JPH3: variants seen among roughly 807,000 people sequenced by gnomAD.
JPH3 encodes the protein junctophilin 3.
In JPH3, 11 loss-of-function variants were observed where a neutral mutation model predicts 59.6. The observed-to-expected ratio is 0.18, with a 90% CI of 0.12 to 0.31. The LOEUF (loss-of-function observed/expected upper bound fraction) is 0.31, where lower values mean the gene tolerates loss of function less well. Among genes scored for constraint, JPH3 ranks in the 10% least tolerant of loss-of-function variants. JPH3 has a pLI of 1.00. For synonymous variants in JPH3, 673 were observed against 483.6 expected, an observed-to-expected ratio of 1.39 and a Z score of -5.14; for missense variants, 1,202 against 1,105.7, an observed-to-expected ratio of 1.09 and a Z score of -1.24.
chr16:87,642,509 G>A (rs1394073192), intron 1 of JPH3, among the ~76,000 whole-genome samples: 1 of 152,236 alleles, frequency 6.6e-6, no homozygotes, highest in Admixed American at 6.5e-5. Flanking sequence ...GAAAACAGCG[G>A]TGGGACGAAT....
chr16:87,673,389 G>A (rs966475346), intron 2 of JPH3, among the ~76,000 whole-genome samples: 1 of 151,980 alleles, frequency 6.6e-6, no homozygotes, highest in East Asian at 1.9e-4. Context: ...TGCTCGTGGG[G>A]GTGTAAATGT....
chr16:87,647,236 T>A (rs1386905829), intron 2 of JPH3, among the ~76,000 whole-genome samples: 1 of 151,288 alleles, frequency 6.6e-6, no homozygotes, highest in African/African-American at 2.4e-5. Context: ...GGGCGAGACC[T>A]GAGACCCATG....
intron 1 of JPH3, among the ~76,000 whole-genome samples, chr16:87,623,615 G>C (rs1326206034): frequency 6.6e-6 from 1 of 152,186 alleles, no homozygotes; most frequent in Non-Finnish European, 1.5e-5. Context: ...TGAACCCCTT[G>C]GGAGCTGCAG....
intron 2 of JPH3, among the ~76,000 whole-genome samples, chr16:87,652,119 C>T (rs1350419786): frequency 7.2e-5 from 11 of 152,184 alleles, no homozygotes; most frequent in African/African-American, 1.9e-4. Flanking sequence ...GGACTACAGG[C>T]GCCCACCACC....
intron 2 of JPH3, among the ~76,000 whole-genome samples, chr16:87,657,995 C>T (rs1419053693): frequency 1.3e-5 from 2 of 152,184 alleles, no homozygotes; most frequent in Non-Finnish European, 2.9e-5. Context: ...ACATAAATGT[C>T]CCCTCTGCAG....
intron 2 of JPH3, among the ~76,000 whole-genome samples, chr16:87,681,854 G>A (rs1170165614): frequency 6.6e-6 from 1 of 152,218 alleles, no homozygotes; most frequent in Non-Finnish European, 1.5e-5. Flanking sequence ...GGGATGCAGT[G>A]TCCTGGGTGC....
Position 87,644,955 on chromosome 16 carries a change from C to T in JPH3, c.1080C>T (p.Arg360=), listed in dbSNP as rs142622776. 5.4e-5 allele frequency: 87 copies of T among 1,611,618 alleles called. No individual in the cohort carries two copies. Among genetic ancestry groups the T allele is most frequent in the Middle Eastern group, 1.6e-4 (1 of 6,062 alleles). ...TCCCCCTGCGGGCCAGCAAGATCCG[C>T]GAGAAGGTGGACCGCGCCGTTGAGG... is the stretch of plus-strand genomic sequence containing the variant. ...NLIPLRASKI[R]EKVDRAVEAA... Residue 360 remains arginine, a synonymous_variant, in exon 2 of 5, where the codon CGC becomes CGT. Coordinates refer to ENST00000284262, the MANE Select transcript of JPH3 (RefSeq NM_020655.4).
At chr16:87,674,934 T>A (rs998472739) in intron 2 of JPH3, among the ~76,000 whole-genome samples, 3 of 152,060 alleles carry the variant, frequency 2.0e-5, no homozygotes, top group South Asian at 2.1e-4. Flanking sequence ...CTAATTTTTG[T>A]ATTTTTAGTA....
chr16:87,644,430 G>T lies in JPH3; in HGVS notation c.555G>T (p.Val185=), dbSNP rs1271632835. 6.2e-7 allele frequency: 1 copy of T among 1,612,078 alleles called. No homozygotes were observed. The highest frequency in any genetic ancestry group is 1.7e-5 in the Admixed American group (1 of 59,972). ...TGCATCCCGACGCCTCTCCGGCGGT[G>T]GCCGGCAGCCCGGCCGTGTCCCGCG... is the stretch of plus-strand genomic sequence containing the variant. ...TALHPDASPA[V]AGSPAVSRGG... The change falls in exon 2 of 5, where the codon GTG becomes GTT. Residue 185 remains valine (V), a synonymous_variant. Coordinates refer to ENST00000284262, the MANE Select transcript of JPH3 (RefSeq NM_020655.4).
intron 1 of JPH3, among the ~76,000 whole-genome samples, chr16:87,627,928 C>T (rs982878016): frequency 3.9e-5 from 6 of 152,346 alleles, no homozygotes; most frequent in East Asian, 1.9e-4. Context: ...TGCTGTCTGC[C>T]AGGCCAGCCT....
chr16:87,646,020 A>G (rs2032136981), intron 2 of JPH3, among the ~76,000 whole-genome samples: 2 of 152,184 alleles, frequency 1.3e-5, no homozygotes, highest in Non-Finnish European at 2.9e-5. Context: ...GGTAGCCCGG[A>G]GAGTCTTGGG....
intron 2 of JPH3, among the ~76,000 whole-genome samples, chr16:87,650,207 A>G (rs1452979695): frequency 6.6e-6 from 1 of 152,196 alleles, no homozygotes; most frequent in African/African-American, 2.4e-5. Flanking sequence ...TTCTCACGGT[A>G]TTTCAAGCTT....
In JPH3 at chr16:87,696,924, A is replaced by G; in HGVS notation, c.*264A>G. On this transcript the variant is annotated 3_prime_UTR_variant, in exon 5 of 5. Coordinates refer to ENST00000284262, the MANE Select transcript of JPH3 (RefSeq NM_020655.4). Reference sequence around the variant, plus strand: ...AAGGAGGCCAGCACGCAGCCCCTCCAGCTCCACGTGGAGACAGAAGGGATC... The same window carrying G: ...AAGGAGGCCAGCACGCAGCCCCTCCGGCTCCACGTGGAGACAGAAGGGATC... The G allele has an allele frequency of 2.2e-6, 1 of 456,906 alleles. No individual in the cohort carries two copies. Among genetic ancestry groups the G allele is most frequent in the Middle Eastern group, 6.0e-4 (1 of 1,666 alleles). 28.3% of individuals were successfully genotyped at this position (456,906 alleles called of 1,614,324 possible).
intron 1 of JPH3, among the ~76,000 whole-genome samples, chr16:87,642,098 T>TG (rs1317657072): frequency 6.6e-6 from 1 of 150,946 alleles, no homozygotes; most frequent in Non-Finnish European, 1.5e-5. Flanking sequence ...CAGGACCCTT[T>TG]GGGGGGTGGC....
intron 1 of JPH3, 120 bp downstream of exon 1, chr16:87,603,648 C>T (rs1055883577): frequency 1.3e-4 from 164 of 1,283,288 alleles, no homozygotes; most frequent in Non-Finnish European, 1.5e-4. Context: ...GCACCAGGGG[C>T]CTTTCCCGGG....
intron 2 of JPH3, among the ~76,000 whole-genome samples, chr16:87,677,205 C>CAG (rs1567610725): frequency 8.3e-6 from 1 of 120,982 alleles, no homozygotes; most frequent in Non-Finnish European, 1.7e-5. Context: ...CACACACACA[C>CAG]ACACACACAC....
At chr16:87,649,651 G>A (rs960394439) in intron 2 of JPH3, among the ~76,000 whole-genome samples, 6 of 152,158 alleles carry the variant, frequency 3.9e-5, no homozygotes, top group African/African-American at 1.2e-4. Context: ...CCCACCCGCC[G>A]TGGAAACCAA....
At chr16:87,649,277 C>G (rs545647280) in intron 2 of JPH3, among the ~76,000 whole-genome samples, 2 of 152,334 alleles carry the variant, frequency 1.3e-5, no homozygotes, top group South Asian at 2.1e-4. Flanking sequence ...CCTGCCGTGT[C>G]GCCTAGCAGT....
chr16:87,682,924 C>T lies in JPH3; in HGVS notation c.1161-1218C>T, dbSNP rs1026226599. Among the ~76,000 whole-genome samples, 4 of 152,264 alleles carry T rather than the reference C, an allele frequency of 2.6e-5. No homozygotes were observed. The East Asian group carries it at 5.8e-4, about 22-fold the overall frequency. On this transcript the variant is annotated intron_variant, in intron 2 of 4. Transcript: ENST00000284262. Reference sequence around the variant, plus strand: ...AGAGCCCCACATTCTGCCTTCGGGACGTCTGTCTAGTCCCTTGTCTTACAA... The same window carrying T: ...AGAGCCCCACATTCTGCCTTCGGGATGTCTGTCTAGTCCCTTGTCTTACAA...
Sources: allele counts gnomAD v4.1 joint callset (sites outside exome capture counted in the v4.1 genomes callset), GRCh38; gene constraint gnomAD v4.1.1; transcripts MANE v1.5; gene names NCBI Gene and HGNC (gene_info 2026-07-23, HGNC 2026-07-21).